The following OXLD1 variants were observed in gnomAD, a reference collection of about 807,000 sequenced individuals.
OXLD1 encodes the protein oxidoreductase like domain containing 1.
In OXLD1, 4 loss-of-function variants were observed where a neutral mutation model predicts 3.1. The ratio of observed to expected loss-of-function variants is 1.28; its 90% CI spans 0.63 to 2.92. The LOEUF (loss-of-function observed/expected upper bound fraction) is 2.92, where lower values mean the gene tolerates loss of function less well. Ranked by LOEUF, OXLD1 falls within the 30% of genes most tolerant of loss-of-function variation. The pLI, the probability that OXLD1 is intolerant of heterozygous loss-of-function variation, is 0.01. For missense variants in OXLD1, 240 were observed against 204.6 expected (o/e 1.17, Z -1.05); for synonymous variants, 100 against 87.0 (o/e 1.15, Z -0.83).
At position 81,666,582 on chromosome 17, in the gene OXLD1, C is replaced by T. The variant is rs376461256; in HGVS notation, c.-5G>A. On this transcript the variant is annotated 5_prime_UTR_variant, in exon 1 of 2. Transcript: ENST00000374741. Reference sequence around the variant, plus strand: ...GACCACCCTCCGCAGCAGCATCGCCCGCGGACGGGATCCGGCAACCCCTGA... The same window carrying T: ...GACCACCCTCCGCAGCAGCATCGCCTGCGGACGGGATCCGGCAACCCCTGA... The T allele has an allele frequency of 6.9e-7, 1 of 1,458,400 alleles. No homozygotes were observed. Among genetic ancestry groups the T allele is most frequent in the Non-Finnish European group, 9.0e-7 (1 of 1,108,656 alleles). 90.3% of individuals were successfully genotyped at this position (1,458,400 alleles called of 1,614,324 possible).
At position 81,666,553 on chromosome 17, in the gene OXLD1, C is replaced by T. The variant is rs767333967; in HGVS notation, c.25G>A (p.Gly9Arg). The change falls in exon 1 of 2, where the codon GGA becomes AGA. Residue 9 changes from glycine to arginine, a missense_variant. Physicochemically the swap from Gly to Arg is moderately radical, Grantham distance 125 (BLOSUM62 -2). Coordinates refer to ENST00000374741, the MANE Select transcript of OXLD1 (RefSeq NM_001039842.3). ...ACCGCGGCGGCTACCGCCCGGCCTC[C>T]CTCGACCACCCTCCGCAGCAGCATC... MLLRRVVE[G>R]GRAVAAAVRG... 2.7e-6 allele frequency: 4 copies of T among 1,507,818 alleles called. No homozygotes were observed. In the South Asian group the frequency reaches 3.7e-5, roughly 14 times the overall value. 93.4% of individuals were successfully genotyped at this position (1,507,818 alleles called of 1,614,324 possible). A position where few individuals can be genotyped will look rare whatever the true frequency, so the allele number is the denominator to read the frequency against.
In OXLD1 at chr17:81,665,766, A is replaced by G. The variant is rs182012240; in HGVS notation, c.61-182T>C. 9 of 700,688 alleles carry G rather than the reference A, an allele frequency of 1.3e-5. No individual in the cohort carries two copies. The East Asian group carries it at 1.4e-4, about 11-fold the overall frequency. The allele number at this position is 700,688 out of a possible 1,614,324, so 43.4% of individuals were successfully genotyped here. On this transcript the variant is annotated intron_variant, in intron 1 of 1. Coordinates refer to ENST00000374741, the MANE Select transcript of OXLD1 (RefSeq NM_001039842.3). ...TCTAGACTCAGTTTCCCCACTGTGC[A>G]ATGGAAGTCATGGGTATGACACGGT...
chr17:81,665,176 C>T lies in OXLD1; in HGVS notation c.*25G>A, dbSNP rs569616173. On this transcript the variant is annotated 3_prime_UTR_variant, in exon 2 of 2. Coordinates refer to ENST00000374741, the MANE Select transcript of OXLD1 (RefSeq NM_001039842.3). ...CGGCTGCGTCCTGGACTCCGTCCTG[C>T]GGTAGGGAGTCCAGCAGGGATGGCT... 1.8e-5 allele frequency: 28 copies of T among 1,585,654 alleles called. 1 individual carries two copies. In the South Asian group the frequency reaches 2.7e-4, roughly 15 times the overall value.
At position 81,665,290 on chromosome 17, in the gene OXLD1, G is replaced by T; in HGVS notation, c.355C>A (p.Leu119Met). 1.2e-6 allele frequency: 2 copies of T among 1,613,542 alleles called. No homozygotes were observed. Among genetic ancestry groups the T allele is most frequent in the Non-Finnish European group, 1.7e-6 (2 of 1,180,002 alleles). Residue 119 changes from leucine (L) to methionine (M), a missense_variant, in exon 2 of 2, where the codon CTG (leucine) becomes ATG (methionine). Leu to Met is a conservative substitution (Grantham distance 15, BLOSUM62 2). Coordinates refer to ENST00000374741, the MANE Select transcript of OXLD1 (RefSeq NM_001039842.3). The part of the protein sequence containing the change: ...QHFQDGGERA[L>M]AALEEHVADE... ...GCCACGTGCTCCTCCAGGGCAGCCA[G>T]GGCCCGCTCCCCACCGTCCTGGAAG...
At chr17:81,665,922 T>G in intron 1 of OXLD1, 1 of 400,128 alleles carries the variant, frequency 2.5e-6, no homozygotes, top group Non-Finnish European at 4.5e-6. Flanking sequence ...ATGCGAGAGG[T>G]GTAACCCTGT....
intron 1 of OXLD1, 30 bp downstream of exon 1, chr17:81,666,488 G>A (rs772497936): frequency 1.3e-5 from 20 of 1,529,102 alleles, no homozygotes; most frequent in Non-Finnish European, 1.7e-5. Context: ...CGTGCCCTTC[G>A]GCGCTGCCAA....
intron 1 of OXLD1, chr17:81,665,928 C>T (rs542491782): frequency 6.7e-5 from 26 of 390,718 alleles, no homozygotes; most frequent in African/African-American, 1.2e-4. Context: ...GAGGTGTAAC[C>T]CTGTAAGCTC....
intron 1 of OXLD1, chr17:81,665,908 C>T: frequency 2.3e-6 from 1 of 427,134 alleles, no homozygotes; most frequent in South Asian, 3.8e-5. Context: ...CTGTGGACAC[C>T]AGTATGCGAG....
chr17:81,666,358 G>A lies in OXLD1; in HGVS notation c.60+160C>T, dbSNP rs2036617967. 3.8e-6 allele frequency: 3 copies of A among 787,366 alleles called. 1 individual carries two copies. The South Asian group carries it at 5.7e-5, about 15-fold the overall frequency. The allele number at this position is 787,366 out of a possible 1,614,324, so 48.8% of individuals were successfully genotyped here. On this transcript the variant is annotated intron_variant, in intron 1 of 1. Coordinates refer to ENST00000374741, the MANE Select transcript of OXLD1 (RefSeq NM_001039842.3). ...CTCGGTAAGAGCCGATGGAGGAGAGGAGCGAGGGGTCCTTCGGCGGCGGCC... is the reference window on the plus strand; with the variant it reads ...CTCGGTAAGAGCCGATGGAGGAGAGAAGCGAGGGGTCCTTCGGCGGCGGCC...
chr17:81,666,495 C>T, intron 1 of OXLD1, 23 bp downstream of exon 1: 1 of 1,532,954 alleles, frequency 6.5e-7, no homozygotes, highest in South Asian at 1.2e-5. Context: ...TTCGGCGCTG[C>T]CAAGACCCGT....
At position 81,666,567 on chromosome 17, in the gene OXLD1, C is replaced by T. The variant is rs937220316; in HGVS notation, c.11G>A (p.Arg4Gln). 6.7e-7 allele frequency: 1 copy of T among 1,490,340 alleles called. No individual in the cohort carries two copies. Among genetic ancestry groups the T allele is most frequent in the Non-Finnish European group, 8.9e-7 (1 of 1,124,786 alleles). The allele number at this position is 1,490,340 out of a possible 1,614,324, so 92.3% of individuals were successfully genotyped here. The change falls in exon 1 of 2, where the codon CGG (arginine) becomes CAG (glutamine). Residue 4 changes from arginine to glutamine, a missense_variant. Coordinates refer to ENST00000374741, the MANE Select transcript of OXLD1 (RefSeq NM_001039842.3). ...CGCCCGGCCTCCCTCGACCACCCTC[C>T]GCAGCAGCATCGCCCGCGGACGGGA... MLLRRVVEGGRAVA... is the reference protein window; with the variant it reads MLLQRVVEGGRAVA...
chr17:81,666,568 G>T lies in OXLD1; in HGVS notation c.10C>A (p.Arg4=). ...GCCCGGCCTCCCTCGACCACCCTCCGCAGCAGCATCGCCCGCGGACGGGAT... is the reference window on the plus strand; with the variant it reads ...GCCCGGCCTCCCTCGACCACCCTCCTCAGCAGCATCGCCCGCGGACGGGAT... The part of the protein sequence containing the change: MLL[R]RVVEGGRAVA... The change falls in exon 1 of 2, where the codon CGG becomes AGG. Residue 4 remains arginine (R), a synonymous_variant. Coordinates refer to ENST00000374741, the MANE Select transcript of OXLD1 (RefSeq NM_001039842.3). 1 of 1,481,248 alleles carries T rather than the reference G, an allele frequency of 6.8e-7. No individual in the cohort carries two copies. Among genetic ancestry groups the T allele is most frequent in the Admixed American group, 2.3e-5 (1 of 44,052 alleles). The allele number at this position is 1,481,248 out of a possible 1,614,324, so 91.8% of individuals were successfully genotyped here.
intron 1 of OXLD1, 180 bp from the exon 2 acceptor site, chr17:81,665,764 G>A: frequency 1.4e-6 from 1 of 708,432 alleles, no homozygotes; most frequent in Non-Finnish European, 2.2e-6. Context: ...TCCCCACTGT[G>A]CAATGGAAGT....
Position 81,665,450 on chromosome 17 carries a change from G to T in OXLD1, c.195C>A (p.Gly65=). 6.2e-7 allele frequency: 1 copy of T among 1,613,448 alleles called. No individual in the cohort carries two copies. Among genetic ancestry groups the T allele is most frequent in the South Asian group, 1.1e-5 (1 of 91,086 alleles). ...TGGTGCCGTCCGCACCTGCTTGGGA[G>T]CCCACCTCTACGTGGTCTGTCCCGA... ...RKFGTDHVEV[G]SQAGADGTRP... Residue 65 remains glycine (G), a synonymous_variant, in exon 2 of 2, where the codon GGC becomes GGA. Transcript: ENST00000374741.
intron 1 of OXLD1, 89 bp from the exon 2 acceptor site, chr17:81,665,673 A>G (rs1430566357): frequency 6.3e-6 from 9 of 1,436,704 alleles, no homozygotes; most frequent in Admixed American, 2.4e-5. Flanking sequence ...CTCTCCTGTC[A>G]TTGGGCAACT....
chr17:81,665,735 C>G (rs765079618), intron 1 of OXLD1, 151 bp from the exon 2 acceptor site: 8 of 875,464 alleles, frequency 9.1e-6, no homozygotes, highest in Non-Finnish European at 1.4e-5. Context: ...CATGTTATTT[C>G]ACCTCTCTAG....
At chr17:81,666,414 A>C in intron 1 of OXLD1, 104 bp downstream of exon 1, 2 of 1,365,218 alleles carry the variant, frequency 1.5e-6, no homozygotes, top group South Asian at 2.6e-5. Context: ...CCGTCCCCAC[A>C]TGCGGGTGGA....
chr17:81,666,177 G>A (rs925445300), intron 1 of OXLD1: 24 of 443,648 alleles, frequency 5.4e-5, no homozygotes, highest in Non-Finnish European at 2.0e-5. Flanking sequence ...TCCTGCGAGG[G>A]GCATCATCCG....
Position 81,666,561 on chromosome 17 carries a change from AC to A in OXLD1, c.16del (p.Val6TrpfsTer8). The A allele has an allele frequency of 6.7e-7, 1 of 1,498,590 alleles. No homozygotes were observed. Among genetic ancestry groups the A allele is most frequent in the Admixed American group, 2.1e-5 (1 of 47,302 alleles). The allele number at this position is 1,498,590 out of a possible 1,614,324, so 92.8% of individuals were successfully genotyped here. On this transcript the variant is annotated frameshift_variant, in exon 1 of 2. Coordinates refer to ENST00000374741, the MANE Select transcript of OXLD1 (RefSeq NM_001039842.3). LOFTEE classifies it low-confidence loss of function (END_TRUNC). Reference protein sequence around the residue: MLLRRVVEGGRAVAAA... With the variant: MLLRRXVEGGRAVAAA... The stretch of plus-strand genomic sequence containing the variant: ...GGCTACCGCCCGGCCTCCCTCGACC[AC>A]CCTCCGCAGCAGCATCGCCCGCGGA...
Sources: allele counts gnomAD v4.1 joint callset, GRCh38; gene constraint gnomAD v4.1.1; transcripts MANE v1.5; gene names NCBI Gene and HGNC (gene_info 2026-07-23, HGNC 2026-07-21).